RCVRN: variants seen among roughly 807,000 people sequenced by gnomAD.
RCVRN encodes cancer associated retinopathy antigen.
Under a neutral mutation model 20.4 loss-of-function variants are expected in RCVRN, and 23 were observed. That is an observed-to-expected ratio of 1.13 (90% CI 0.81 to 1.60). RCVRN has a LOEUF of 1.60. Ranked by LOEUF, RCVRN falls within the 40% of genes most tolerant of loss-of-function variation. The probability of loss-of-function intolerance (pLI) is 0.00; values close to 1 mark genes in which losing one functional copy is unlikely to be tolerated. For missense variants in RCVRN, 254 were observed against 254.2 expected (o/e 1.00, Z 0.00); for synonymous variants, 105 against 105.9 (o/e 0.99, Z 0.05).
In RCVRN at chr17:9,904,986, G is replaced by T; in HGVS notation, c.195C>A (p.Tyr65Ter). The part of the protein sequence containing the change: ...KFFPDTDPKA[Y>*]AQHVFRSFDS... ...CGAAGCTGCGGAACACATGCTGGGC[G>T]TAGGCCTTGGGGTCGGTGTCGGGGA... Residue 65 changes from tyrosine (Y) to a stop codon, truncating the protein, a stop_gained, in exon 1 of 3, where the codon TAC becomes TAA. Coordinates refer to ENST00000226193, the MANE Select transcript of RCVRN (RefSeq NM_002903.3). LOFTEE classifies it high-confidence loss of function. This position sits in a 1 kb window ranked among gnomAD's most constrained non-coding sequence, Gnocchi z 5.8. The T allele has an allele frequency of 6.2e-7, 1 of 1,614,234 alleles. No individual in the cohort carries two copies. The highest frequency in any genetic ancestry group is 8.5e-7 in the Non-Finnish European group (1 of 1,180,052).
At position 9,899,048 on chromosome 17, in the gene RCVRN, AGT is replaced by A. The variant is rs899070751; in HGVS notation, c.494-846_494-845del. ...GGAGGCGGGGTGTACAATAGAAGAG[AGT>A]GAGATGAAGTCCCTCCCTGGGAAAC... On this transcript the variant is annotated intron_variant, in intron 2 of 2. Coordinates refer to ENST00000226193, the MANE Select transcript of RCVRN (RefSeq NM_002903.3). The surrounding 1 kb of genome is among the most constrained non-coding windows in gnomAD (Gnocchi z 4.6). 6.6e-6 allele frequency among the ~76,000 whole-genome samples: 1 copy of A among 152,176 alleles called. No individual in the cohort carries two copies. Among genetic ancestry groups the A allele is most frequent in the African/African-American group, 2.4e-5 (1 of 41,440 alleles).
At position 9,904,321 on chromosome 17, in the gene RCVRN, C is replaced by T. The variant is rs2173834; in HGVS notation, c.381+479G>A. Among the ~76,000 whole-genome samples the T allele has an allele frequency of 0.54, 81,577 of 152,082 alleles. 21,856 individuals are homozygous for T. Among genetic ancestry groups the T allele is most frequent in the African/African-American group, 0.56 (23,097 of 41,484 alleles). On this transcript the variant is annotated intron_variant, in intron 1 of 2. Transcript: ENST00000226193. This position sits in a 1 kb window ranked among gnomAD's most constrained non-coding sequence, Gnocchi z 5.8. The stretch of plus-strand genomic sequence containing the variant: ...CTCACCATGAGTGGAGCTTGCAGGA[C>T]TGGGAGTTGCTCTGGGTGAGTCAGT...
Position 9,897,999 on chromosome 17 carries a change from T to TGTGTATGC in RCVRN, c.*95_*96insGCATACAC. ...TGGGGTGGATGTGTGTGTGTGTGTG[T>TGTGTATGC]GCGCGCGCGTGTGTGTGCATGTGTG... On this transcript the variant is annotated 3_prime_UTR_variant, in exon 3 of 3. Transcript: ENST00000226193. The TGTGTATGC allele has an allele frequency of 1.4e-6, 1 of 731,044 alleles. No homozygotes were observed. The highest frequency in any genetic ancestry group is 2.5e-6 in the Non-Finnish European group (1 of 399,688). The allele number at this position is 731,044 out of a possible 1,614,324, so 45.3% of individuals were successfully genotyped here.
chr17:9,904,660 G>T lies in RCVRN; in HGVS notation c.381+140C>A, dbSNP rs9910116. On this transcript the variant is annotated intron_variant, in intron 1 of 2. Coordinates refer to ENST00000226193, the MANE Select transcript of RCVRN (RefSeq NM_002903.3). The surrounding 1 kb of genome is among the most constrained non-coding windows in gnomAD (Gnocchi z 5.8). ...CCTCTATCAATATCAGCATCTCGGA[G>T]CACCACGCTCTCAGAGCCAGTGGCC... is the stretch of plus-strand genomic sequence containing the variant. 1 of 941,436 alleles carries T rather than the reference G, an allele frequency of 1.1e-6. No individual in the cohort carries two copies. Among genetic ancestry groups the T allele is most frequent in the Non-Finnish European group, 1.6e-6 (1 of 625,052 alleles). 58.3% of individuals were successfully genotyped at this position (941,436 alleles called of 1,614,324 possible).
Position 9,897,982 on chromosome 17 carries a change from A to ATGTG in RCVRN, c.*109_*112dup, listed in dbSNP as rs150159863. ...GGCCTTTCTCTTGGCCCTGGGGTGGATGTGTGTGTGTGTGTGTGCGCGCGC... is the reference window on the plus strand; with the variant it reads ...GGCCTTTCTCTTGGCCCTGGGGTGGATGTGTGTGTGTGTGTGTGTGTGCGCGCGC... On this transcript the variant is annotated 3_prime_UTR_variant, in exon 3 of 3. Coordinates refer to ENST00000226193, the MANE Select transcript of RCVRN (RefSeq NM_002903.3). The ATGTG allele has an allele frequency of 5.1e-5, 33 of 652,134 alleles. No homozygotes were observed. The highest frequency in any genetic ancestry group is 1.6e-4 in the East Asian group (6 of 36,870). The allele number at this position is 652,134 out of a possible 1,614,324, so 40.4% of individuals were successfully genotyped here. A position where few individuals can be genotyped will look rare whatever the true frequency, so the allele number is the denominator to read the frequency against.
At position 9,904,899 on chromosome 17, in the gene RCVRN, G is replaced by C. The variant is rs745566776; in HGVS notation, c.282C>G (p.Thr94=). 1 of 1,614,212 alleles carries C rather than the reference G, an allele frequency of 6.2e-7. No individual in the cohort carries two copies. The highest frequency in any genetic ancestry group is 2.2e-5 in the East Asian group (1 of 44,886). ...KEYVIALHMT[T]AGKTNQKLEW... ...CCAGCTTCTGGTTGGTCTTGCCCGC[G>C]GTGGTCATGTGCAGGGCGATGACGT... Residue 94 remains threonine (T), a synonymous_variant, in exon 1 of 3, where the codon ACC becomes ACG. Transcript: ENST00000226193. This position sits in a 1 kb window ranked among gnomAD's most constrained non-coding sequence, Gnocchi z 5.8.
chr17:9,904,998 G>C lies in RCVRN; in HGVS notation c.183C>G (p.Asp61Glu), dbSNP rs776177327. 8 of 1,614,094 alleles carry C rather than the reference G, an allele frequency of 5.0e-6. No homozygotes were observed. The highest frequency in any genetic ancestry group is 6.8e-6 in the Non-Finnish European group (8 of 1,180,056). The part of the protein sequence containing the change: ...SIYAKFFPDT[D>E]PKAYAQHVFR... ...ACACATGCTGGGCGTAGGCCTTGGG[G>C]TCGGTGTCGGGGAAGAACTTGGCGT... is the stretch of plus-strand genomic sequence containing the variant. Residue 61 changes from aspartate to glutamate, a missense_variant, in exon 1 of 3, where the codon GAC (aspartate) becomes GAG (glutamate). Transcript: ENST00000226193. This position sits in a 1 kb window ranked among gnomAD's most constrained non-coding sequence, Gnocchi z 5.8.
chr17:9,904,900 G>T lies in RCVRN; in HGVS notation c.281C>A (p.Thr94Asn). 1 of 1,614,220 alleles carries T rather than the reference G, an allele frequency of 6.2e-7. No individual in the cohort carries two copies. Among genetic ancestry groups the T allele is most frequent in the Non-Finnish European group, 8.5e-7 (1 of 1,180,028 alleles). Residue 94 changes from threonine (T) to asparagine (N), a missense_variant, in exon 1 of 3, where the codon ACC becomes AAC. By Grantham distance (65) the Thr-to-Asn change is moderately conservative. Coordinates refer to ENST00000226193, the MANE Select transcript of RCVRN (RefSeq NM_002903.3). This position sits in a 1 kb window ranked among gnomAD's most constrained non-coding sequence, Gnocchi z 5.8. The part of the protein sequence containing the change: ...KEYVIALHMT[T>N]AGKTNQKLEW... The stretch of plus-strand genomic sequence containing the variant: ...CAGCTTCTGGTTGGTCTTGCCCGCG[G>T]TGGTCATGTGCAGGGCGATGACGTA...
At chr17:9,902,578 T>A (rs1345960695) in intron 1 of RCVRN, among the ~76,000 whole-genome samples, 2 of 141,204 alleles carry the variant, frequency 1.4e-5, no homozygotes, top group Admixed American at 7.0e-5. Context: ...TAAAAAAAAA[T>A]CAAATGAAGG....
At position 9,899,472 on chromosome 17, in the gene RCVRN, C is replaced by T. The variant is rs2067332468; in HGVS notation, c.494-1268G>A. Reference sequence around the variant, plus strand: ...TCGACCTCGGGGCTTCTGACGTCATCCCCTCCCGGGATGTTCACCAGGGAG... The same window carrying T: ...TCGACCTCGGGGCTTCTGACGTCATTCCCTCCCGGGATGTTCACCAGGGAG... On this transcript the variant is annotated intron_variant, in intron 2 of 2. Transcript: ENST00000226193. The surrounding 1 kb of genome is among the most constrained non-coding windows in gnomAD (Gnocchi z 4.6). Among the ~76,000 whole-genome samples the T allele has an allele frequency of 6.6e-6, 1 of 152,230 alleles. No individual in the cohort carries two copies. Among genetic ancestry groups the T allele is most frequent in the South Asian group, 2.1e-4 (1 of 4,828 alleles).
chr17:9,901,714 G>T (rs1216752205), intron 1 of RCVRN, among the ~76,000 whole-genome samples: 3 of 152,256 alleles, frequency 2.0e-5, no homozygotes, highest in African/African-American at 7.2e-5. Flanking sequence ...AGGTGTGCCA[G>T]CTAGAAGCTG....
chr17:9,904,942 G>A lies in RCVRN; in HGVS notation c.239C>T (p.Thr80Ile). Residue 80 changes from threonine (T) to isoleucine (I), a missense_variant, in exon 1 of 3, where the codon ACC becomes ATC. Thr to Ile is a moderately conservative substitution (Grantham distance 89). Coordinates refer to ENST00000226193, the MANE Select transcript of RCVRN (RefSeq NM_002903.3). The surrounding 1 kb of genome is among the most constrained non-coding windows in gnomAD (Gnocchi z 5.8). The stretch of plus-strand genomic sequence containing the variant: ...GATGACGTACTCCTTGAAGTCCAGG[G>A]TGCCGTCGAGGTTGGAATCGAAGCT... Reference protein sequence around the residue: ...FRSFDSNLDGTLDFKEYVIAL... With the variant: ...FRSFDSNLDGILDFKEYVIAL... The A allele has an allele frequency of 6.2e-7, 1 of 1,614,218 alleles. No homozygotes were observed. The highest frequency in any genetic ancestry group is 1.1e-5 in the South Asian group (1 of 91,082).
At chr17:9,902,670 T>G (rs1352848052) in intron 1 of RCVRN, among the ~76,000 whole-genome samples, 1 of 152,170 alleles carries the variant, frequency 6.6e-6, no homozygotes, top group Non-Finnish European at 1.5e-5. Context: ...TTTCCACATT[T>G]CCATAAGCCA....
In RCVRN at chr17:9,902,967, C is replaced by T. The variant is rs1304529230; in HGVS notation, c.381+1833G>A. On this transcript the variant is annotated intron_variant, in intron 1 of 2. Coordinates refer to ENST00000226193, the MANE Select transcript of RCVRN (RefSeq NM_002903.3). ...TCACGCCACTGCACTCCAGCCTGGG[C>T]GACAAGAGCAAAACTCTGTCTGAAG... Among the ~76,000 whole-genome samples the T allele has an allele frequency of 4.7e-5, 7 of 150,128 alleles. No homozygotes were observed. The South Asian group carries it at 1.1e-3, about 23-fold the overall frequency.
chr17:9,898,175 C>G lies in RCVRN; in HGVS notation c.523G>C (p.Gly175Arg). 6.2e-7 allele frequency: 1 copy of G among 1,613,320 alleles called. No homozygotes were observed. Among genetic ancestry groups the G allele is most frequent in the Non-Finnish European group, 8.5e-7 (1 of 1,179,308 alleles). The change falls in exon 3 of 3, where the codon GGG becomes CGG. Residue 175 changes from glycine to arginine, a missense_variant. Gly to Arg is a moderately radical substitution (Grantham distance 125). Transcript: ENST00000226193. ...DKLTEKEFIE[G>R]TLANKEILRL... ...AGAATTTCCTTATTGGCCAGTGTCC[C>G]CTCAATGAATTCTTTCTCTGTAAGT...
In RCVRN at chr17:9,898,018, A is replaced by ATG. The variant is rs760660418; in HGVS notation, c.*75_*76dup. 97 of 854,010 alleles carry ATG rather than the reference A, an allele frequency of 1.1e-4. No homozygotes were observed. Among genetic ancestry groups the ATG allele is most frequent in the Middle Eastern group, 2.2e-4 (1 of 4,496 alleles). The allele number at this position is 854,010 out of a possible 1,614,324, so 52.9% of individuals were successfully genotyped here. A position where few individuals can be genotyped will look rare whatever the true frequency, so the allele number is the denominator to read the frequency against. On this transcript the variant is annotated 3_prime_UTR_variant, in exon 3 of 3. Transcript: ENST00000226193. ...TGTGTGTGCGCGCGCGTGTGTGTGC[A>ATG]TGTGTGTGTGTGTGCACAGGCGCTC... is the stretch of plus-strand genomic sequence containing the variant.
chr17:9,898,231 T>C, intron 2 of RCVRN, 27 bp from the exon 3 acceptor site: 1 of 1,396,874 alleles, frequency 7.2e-7, no homozygotes, highest in Non-Finnish European at 1.0e-6. Flanking sequence ...AATATATACG[T>C]ACATAAAACA....
chr17:9,901,121 G>A, intron 1 of RCVRN, 21 bp from the exon 2 acceptor site: 1 of 1,431,788 alleles, frequency 7.0e-7, no homozygotes, highest in Non-Finnish European at 9.7e-7. Context: ...CAGAAAGAAA[G>A]AACTCGTTAG....
In RCVRN at chr17:9,904,679, AGTGG is replaced by A; in HGVS notation, c.381+117_381+120del. On this transcript the variant is annotated intron_variant, in intron 1 of 2. Transcript: ENST00000226193. The surrounding 1 kb of genome is among the most constrained non-coding windows in gnomAD (Gnocchi z 5.8). ...CTCGGAGCACCACGCTCTCAGAGCC[AGTGG>A]CCCGCATCCCCCGCTCCACCCACAG... 8.9e-7 allele frequency: 1 copy of A among 1,129,746 alleles called. No homozygotes were observed. The highest frequency in any genetic ancestry group is 1.5e-5 in the South Asian group (1 of 67,836). The allele number at this position is 1,129,746 out of a possible 1,614,324, so 70.0% of individuals were successfully genotyped here. A position where few individuals can be genotyped will look rare whatever the true frequency, so the allele number is the denominator to read the frequency against.
Sources: gnomAD v4.1 joint callset for allele counts (sites outside exome capture counted in the v4.1 genomes callset) on GRCh38, gnomAD v4.1.1 for gene constraint, Gnocchi (gnomAD v3.1) non-coding constraint, MANE v1.5 for transcripts, NCBI Gene and HGNC (gene_info 2026-07-23, HGNC 2026-07-21) for gene names.